The following SNTB1 variants were observed in gnomAD, a reference collection of about 807,000 sequenced individuals.
SNTB1 encodes beta-1-syntrophin.
SNTB1 carries 36 observed loss-of-function variants against 48.9 expected under a neutral mutation model. The ratio of observed to expected loss-of-function variants is 0.74; its 90% CI spans 0.56 to 0.97. SNTB1 has a LOEUF of 0.97. Among genes scored for constraint, SNTB1 ranks in the 50% least tolerant of loss-of-function variants. The pLI is 0.00. For missense variants in SNTB1, 786 were observed against 703.4 expected, an observed-to-expected ratio of 1.12 and a Z score of -1.33; for synonymous variants, 299 against 294.6, an observed-to-expected ratio of 1.01 and a Z score of -0.15.
At chr8:120,689,026 CAA>C (rs1244025869) in intron 2 of SNTB1, among the ~76,000 whole-genome samples, 4 of 152,250 alleles carry the variant, frequency 2.6e-5, no homozygotes, top group African/African-American at 7.2e-5. Context: ...ATATGAAAAA[CAA>C]GAGATATTTA....
chr8:120,639,594 T>A (rs1453447695), intron 2 of SNTB1, among the ~76,000 whole-genome samples: 1 of 152,228 alleles, frequency 6.6e-6, no homozygotes, highest in Admixed American at 6.5e-5. Flanking sequence ...GCTTTCTACA[T>A]ATGGCTAGCC....
At chr8:120,666,235 T>G (rs1458372547) in intron 2 of SNTB1, among the ~76,000 whole-genome samples, 1 of 152,246 alleles carries the variant, frequency 6.6e-6, no homozygotes, top group East Asian at 1.9e-4. Flanking sequence ...GCCTGAAGTC[T>G]TCCTGTAGTA....
At chr8:120,595,981 C>T (rs1474871286) in intron 3 of SNTB1, among the ~76,000 whole-genome samples, 1 of 152,140 alleles carries the variant, frequency 6.6e-6, no homozygotes, top group Non-Finnish European at 1.5e-5. Context: ...GTAATGGACT[C>T]ACTTTCTTGA....
chr8:120,568,699 A>G (rs559018186), intron 4 of SNTB1, among the ~76,000 whole-genome samples: 20 of 152,288 alleles, frequency 1.3e-4, no homozygotes, highest in African/African-American at 4.6e-4. Context: ...CTACTTCGAG[A>G]GGATAGAGTG....
intron 2 of SNTB1, among the ~76,000 whole-genome samples, chr8:120,648,357 GC>G (rs1817340159): frequency 6.6e-6 from 1 of 151,686 alleles, no homozygotes; most frequent in Non-Finnish European, 1.5e-5. Context: ...TGTAAGGCAG[GC>G]CTGGTGGTGA....
chr8:120,799,909 T>C (rs1469603074), intron 1 of SNTB1, among the ~76,000 whole-genome samples: 1 of 152,084 alleles, frequency 6.6e-6, no homozygotes, highest in Non-Finnish European at 1.5e-5. Flanking sequence ...CTTGAAATTA[T>C]ACTATAATAG....
intron 3 of SNTB1, among the ~76,000 whole-genome samples, chr8:120,617,774 A>G (rs1234810274): frequency 6.6e-6 from 1 of 152,234 alleles, no homozygotes; most frequent in Non-Finnish European, 1.5e-5. Context: ...CAAGGTGATC[A>G]GTTAAGCCAA....
chr8:120,582,391 T>A (rs1037396152), intron 3 of SNTB1, among the ~76,000 whole-genome samples: 6 of 151,772 alleles, frequency 4.0e-5, no homozygotes, highest in East Asian at 1.9e-4. Context: ...GAAAAAAAAA[T>A]TTAAAATCAA....
rs547534976 is a variant in SNTB1, at chr8:120,756,985, T to C, written c.571+54288A>G. Among the ~76,000 whole-genome samples, 5 of 152,238 alleles carry C rather than the reference T, an allele frequency of 3.3e-5. No individual in the cohort carries two copies. The South Asian group carries it at 1.0e-3, about 32-fold the overall frequency. ...CATGGGCATGGGATGGAATATAAAT[T>C]CTCTAACCACATTTTCCTTTCCTTT... On this transcript the variant is annotated intron_variant, in intron 1 of 6. Transcript: ENST00000517992.
At chr8:120,728,311 C>A (rs1474508542) in intron 1 of SNTB1, among the ~76,000 whole-genome samples, 1 of 152,098 alleles carries the variant, frequency 6.6e-6, no homozygotes, top group African/African-American at 2.4e-5. Flanking sequence ...ATTTTTTAAA[C>A]AAAATATTTA....
At chr8:120,566,714 C>G (rs1008925918) in intron 4 of SNTB1, among the ~76,000 whole-genome samples, 3 of 152,114 alleles carry the variant, frequency 2.0e-5, no homozygotes. Context: ...GGTCCCATCC[C>G]CAGAGTTTCT....
chr8:120,724,604 A>C (rs1182026263), intron 1 of SNTB1, among the ~76,000 whole-genome samples: 1 of 152,194 alleles, frequency 6.6e-6, no homozygotes, highest in Non-Finnish European at 1.5e-5. Context: ...GTTGTGTACA[A>C]ATCTCTAATC....
chr8:120,653,999 C>T (rs573676345), intron 2 of SNTB1, among the ~76,000 whole-genome samples: 4 of 130,468 alleles, frequency 3.1e-5, no homozygotes, highest in South Asian at 4.9e-4. Flanking sequence ...CAGATGGCGC[C>T]ACTGCACTCC....
chr8:120,811,361 C>T lies in SNTB1; in HGVS notation c.483G>A (p.Leu161=), dbSNP rs1160594468. The T allele has an allele frequency of 6.2e-7, 1 of 1,613,680 alleles. No individual in the cohort carries two copies. The highest frequency in any genetic ancestry group is 1.7e-5 in the Admixed American group (1 of 60,024). Reference sequence around the variant, plus strand: ...CCCGCAGGTCGGCTCCGTTCACGGACAGGATGGCGTCGCCCACGTACAGGG... The same window carrying T: ...CCCGCAGGTCGGCTCCGTTCACGGATAGGATGGCGTCGCCCACGTACAGGG... The part of the protein sequence containing the change: ...TQALYVGDAI[L]SVNGADLRDA... The change falls in exon 1 of 7, where the codon CTG becomes CTA. Residue 161 remains leucine (L), a synonymous_variant. Coordinates refer to ENST00000517992, the MANE Select transcript of SNTB1 (RefSeq NM_021021.4).
At chr8:120,589,025 C>T (rs901383038) in intron 3 of SNTB1, among the ~76,000 whole-genome samples, 5 of 152,156 alleles carry the variant, frequency 3.3e-5, no homozygotes, top group South Asian at 2.1e-4. Flanking sequence ...CCTTGGATTC[C>T]GTGCCTTGTA....
intron 1 of SNTB1, among the ~76,000 whole-genome samples, chr8:120,757,115 T>A (rs538080096): frequency 1.3e-5 from 2 of 152,218 alleles, no homozygotes; most frequent in Admixed American, 6.5e-5. Context: ...TGTGCATAAC[T>A]AATCCCTAAT....
rs116768930 is a variant in SNTB1 at position 120,720,305 on chromosome 8, C to T, written c.572-26397G>A. Among the ~76,000 whole-genome samples, 1,130 of 152,328 alleles carry T rather than the reference C, an allele frequency of 7.4e-3. 14 individuals carry two copies. The highest frequency in any genetic ancestry group is 0.026 in the African/African-American group (1,065 of 41,580). Reference sequence around the variant, plus strand: ...GCCCAGTATCCTCCCTGTTCTCACACGAGTCTAATGTGGGCCAGAAAGGAT... The same window carrying T: ...GCCCAGTATCCTCCCTGTTCTCACATGAGTCTAATGTGGGCCAGAAAGGAT... On this transcript the variant is annotated intron_variant, in intron 1 of 6. Transcript: ENST00000517992.
intron 2 of SNTB1, among the ~76,000 whole-genome samples, chr8:120,639,859 T>C (rs996584517): frequency 2.6e-5 from 4 of 152,194 alleles, no homozygotes; most frequent in South Asian, 2.1e-4. Context: ...CTTGGCAATG[T>C]GGGCTCTTTT....
Position 120,681,905 on chromosome 8 carries a change from C to G in SNTB1, c.788+11787G>C, listed in dbSNP as rs1817937509. Among the ~76,000 whole-genome samples the G allele has an allele frequency of 2.6e-5, 4 of 151,198 alleles. No homozygotes were observed. The South Asian group carries it at 8.4e-4, about 32-fold the overall frequency. On this transcript the variant is annotated intron_variant, in intron 2 of 6. Transcript: ENST00000517992. Reference sequence around the variant, plus strand: ...AGATAAAAACAAACAAACAAACAAACAAACAGAAAACAGTAAATGGAGGAA... The same window carrying G: ...AGATAAAAACAAACAAACAAACAAAGAAACAGAAAACAGTAAATGGAGGAA...
Sources: allele counts gnomAD v4.1 joint callset (sites outside exome capture counted in the v4.1 genomes callset), GRCh38; gene constraint gnomAD v4.1.1; transcripts MANE v1.5; gene names NCBI Gene and HGNC (gene_info 2026-07-23, HGNC 2026-07-21).